The following ABCA1 variants were observed in gnomAD, a reference collection of about 807,000 sequenced individuals.
ABCA1 encodes the protein ATP binding cassette subfamily A member 1, also known as phospholipid-transporting ATPase ABCA1.
In ABCA1, 133 loss-of-function variants were observed where a neutral mutation model predicts 262.5. The observed-to-expected ratio is 0.51, with a 90% CI of 0.44 to 0.59. The LOEUF (loss-of-function observed/expected upper bound fraction) is 0.59, where lower values mean the gene tolerates loss of function less well. Among genes scored for constraint, ABCA1 ranks in the 20% least tolerant of loss-of-function variants. ABCA1 has a pLI of 0.00. For missense variants in ABCA1, 2,452 were observed against 2,777.5 expected, an observed-to-expected ratio of 0.88 and a Z score of 2.63; for synonymous variants, 1,022 against 1,043.5, an observed-to-expected ratio of 0.98 and a Z score of 0.40.
In ABCA1 at chr9:104,804,721, C is replaced by T; in HGVS notation, c.4465-1G>A. On this transcript the variant is annotated splice_acceptor_variant, in intron 31 of 49. Transcript: ENST00000374736. LOFTEE classifies it high-confidence loss of function. ...GGATATCTGCAGTGTTTTGTTTTCT[C>T]TGTCATCACATGAAAACCAAGCATA... 6.2e-7 allele frequency: 1 copy of T among 1,612,936 alleles called. No homozygotes were observed.
Position 104,821,483 on chromosome 9 carries a change from G to C in ABCA1, c.2852C>G (p.Pro951Arg). 6.2e-7 allele frequency: 1 copy of C among 1,614,044 alleles called. No individual in the cohort carries two copies. Among genetic ancestry groups the C allele is most frequent in the Non-Finnish European group, 8.5e-7 (1 of 1,180,034 alleles). ...GATGTAGGCGGTGCCCGAGGTCGGG[G>C]GGAACAACCCGGTCAGGATTGACCT... ...TTMSILTGLF[P>R]PTSGTAYILG... is the part of the protein sequence containing the mutation. Residue 951 changes from proline to arginine, a missense_variant, in exon 20 of 50, where the codon CCC becomes CGC. Coordinates refer to ENST00000374736, the MANE Select transcript of ABCA1 (RefSeq NM_005502.4).
intron 8 of ABCA1, among the ~76,000 whole-genome samples, chr9:104,841,028 C>G (rs1834315796): frequency 6.6e-6 from 1 of 152,170 alleles, no homozygotes; most frequent in African/African-American, 2.4e-5. Context: ...TCCCCGAACT[C>G]TAGTGTAGAA....
chr9:104,796,490 T>A, intron 37 of ABCA1, 66 bp from the exon 38 acceptor site: 1 of 1,239,362 alleles, frequency 8.1e-7, no homozygotes, highest in Non-Finnish European at 1.2e-6. Context: ...CACACAAGTT[T>A]TCACCATTAT....
At chr9:104,787,764 A>G in intron 46 of ABCA1, 156 bp downstream of exon 46, 1 of 921,926 alleles carries the variant, frequency 1.1e-6, no homozygotes, top group Non-Finnish European at 1.3e-6. Context: ...AGTGTGTGCC[A>G]AGGGAGAAGC....
At chr9:104,874,904 C>G (rs1163212519) in intron 5 of ABCA1, among the ~76,000 whole-genome samples, 1 of 141,416 alleles carries the variant, frequency 7.1e-6, no homozygotes, top group Admixed American at 6.9e-5. Flanking sequence ...CCGCCCCGTC[C>G]GGGAGGTGGG....
chr9:104,792,734 C>A, intron 42 of ABCA1, 52 bp downstream of exon 42: 1 of 1,613,430 alleles, frequency 6.2e-7, no homozygotes, highest in Non-Finnish European at 8.5e-7. Context: ...GGTTACAGCA[C>A]ATAAAGCTGA....
Position 104,784,026 on chromosome 9 carries a change from A to G in ABCA1, c.*289T>C, listed in dbSNP as rs886063303. 14 of 358,660 alleles carry G rather than the reference A, an allele frequency of 3.9e-5. No homozygotes were observed. The highest frequency in any genetic ancestry group is 5.6e-5 in the Non-Finnish European group (11 of 195,008). 22.2% of individuals were successfully genotyped at this position (358,660 alleles called of 1,614,324 possible). A position where few individuals can be genotyped will look rare whatever the true frequency, so the allele number is the denominator to read the frequency against. ...AAAAAAAAAGTGTGAGTTCAAACCC[A>G]TATGTCCATTGGGTTCCATAATAGA... On this transcript the variant is annotated 3_prime_UTR_variant, in exon 50 of 50. Coordinates refer to ENST00000374736, the MANE Select transcript of ABCA1 (RefSeq NM_005502.4).
chr9:104,815,995 C>T, intron 25 of ABCA1, 148 bp downstream of exon 25: 1 of 878,366 alleles, frequency 1.1e-6, no homozygotes, highest in Non-Finnish European at 1.9e-6. Context: ...TCTTAAATGG[C>T]TCACTGGGGC....
chr9:104,856,970 G>C lies in ABCA1; in HGVS notation c.720+1552C>G, dbSNP rs373572454. The stretch of plus-strand genomic sequence containing the variant: ...CTAACTTTTTAGGCCAGTTACTTAG[G>C]GTTGCAAAGATCCCTGTAGAGAAAT... On this transcript the variant is annotated intron_variant, in intron 7 of 49. Transcript: ENST00000374736. Among the ~76,000 whole-genome samples, 93 of 152,160 alleles carry C rather than the reference G, an allele frequency of 6.1e-4. 4 individuals carry two copies. In the South Asian group the frequency reaches 0.018, roughly 30 times the overall value.
At position 104,794,488 on chromosome 9, in the gene ABCA1, A is replaced by G. The variant is rs1564086523; in HGVS notation, c.5405T>C (p.Ile1802Thr). The change falls in exon 40 of 50, where the codon ATC (isoleucine) becomes ACC (threonine). Residue 1802 changes from isoleucine to threonine, a missense_variant. Transcript: ENST00000374736. ...TDNKLNNIND[I>T]LKSVFLIFPH... is the part of the protein sequence containing the mutation. ...GAAGATCAAGAACACGGACTTCAGG[A>G]TATCATTGATATTATTCAGCTTCTA... 2 of 1,287,242 alleles carry G rather than the reference A, an allele frequency of 1.6e-6. No homozygotes were observed. Among genetic ancestry groups the G allele is most frequent in the Non-Finnish European group, 1.1e-6 (1 of 894,930 alleles). 79.7% of individuals were successfully genotyped at this position (1,287,242 alleles called of 1,614,324 possible). A position where few individuals can be genotyped will look rare whatever the true frequency, so the allele number is the denominator to read the frequency against.
rs1268377517 is a variant in ABCA1 at position 104,831,783 on chromosome 9, C to A, written c.1554G>T (p.Trp518Cys). The A allele has an allele frequency of 1.2e-6, 2 of 1,614,192 alleles. No homozygotes were observed. The highest frequency in any genetic ancestry group is 1.7e-6 in the Non-Finnish European group (2 of 1,180,042). ...NKLEPIATEV[W>C]LINKSMELLD... ...GCAGCTCCATGGACTTGTTGATGAG[C>A]CAGACTTCTGTTGCTATGGGTTCTA... Residue 518 changes from tryptophan to cysteine, a missense_variant, in exon 13 of 50, where the codon TGG becomes TGT. Coordinates refer to ENST00000374736, the MANE Select transcript of ABCA1 (RefSeq NM_005502.4).
At chr9:104,812,831 G>T in intron 27 of ABCA1, 109 bp from the exon 28 acceptor site, 1 of 1,425,814 alleles carries the variant, frequency 7.0e-7, no homozygotes, top group Non-Finnish European at 9.8e-7. Flanking sequence ...TGTGTCTGAA[G>T]CTAGAAGTTT....
chr9:104,824,958 C>A (rs1190170932), intron 17 of ABCA1, among the ~76,000 whole-genome samples: 1 of 152,192 alleles, frequency 6.6e-6, no homozygotes, highest in Admixed American at 6.5e-5. Context: ...TTCATGTATA[C>A]CTCCTTAGGG....
At position 104,840,532 on chromosome 9, in the gene ABCA1, A is replaced by G; in HGVS notation, c.814-13T>C. On this transcript the variant is annotated splice_polypyrimidine_tract_variant and intron_variant, in intron 8 of 49. Transcript: ENST00000374736. ...TCATGCTGAACAGCTGGCGTCAGGG[A>G]TGGGGACAGAAAGGAGGGTAGGGGA... The G allele has an allele frequency of 6.8e-6, 11 of 1,611,240 alleles. No individual in the cohort carries two copies. The highest frequency in any genetic ancestry group is 8.5e-6 in the Non-Finnish European group (10 of 1,177,980).
At chr9:104,887,984 C>T (rs1414011739) in intron 3 of ABCA1, among the ~76,000 whole-genome samples, 1 of 152,006 alleles carries the variant, frequency 6.6e-6, no homozygotes, top group Non-Finnish European at 1.5e-5. Context: ...ACCTTGACTT[C>T]CCACTGTGCC....
intron 5 of ABCA1, among the ~76,000 whole-genome samples, chr9:104,874,795 C>T (rs1406895331): frequency 1.5e-5 from 2 of 136,648 alleles, no homozygotes; most frequent in African/African-American, 3.1e-5. Flanking sequence ...AGCCCCCGCC[C>T]GGCCAGCCGC....
At chr9:104,788,658 C>T in intron 44 of ABCA1, 91 bp from the exon 45 acceptor site, 1 of 1,462,684 alleles carries the variant, frequency 6.8e-7, no homozygotes, top group South Asian at 1.1e-5. Context: ...AAGTATGCTT[C>T]TCCATTACAA....
intron 8 of ABCA1, among the ~76,000 whole-genome samples, chr9:104,844,530 G>T (rs958678749): frequency 1.3e-5 from 2 of 152,202 alleles, no homozygotes; most frequent in African/African-American, 2.4e-5. Flanking sequence ...TTTCCACAAT[G>T]AACATGCAAT....
chr9:104,822,701 A>G (rs1456904407), intron 18 of ABCA1, 34 bp from the exon 19 acceptor site: 3 of 1,612,242 alleles, frequency 1.9e-6, no homozygotes, highest in East Asian at 2.2e-5. Flanking sequence ...ATGAACCCAC[A>G]GAAAGCACTG....
Sources: gnomAD v4.1 joint callset for allele counts (sites outside exome capture counted in the v4.1 genomes callset) on GRCh38, gnomAD v4.1.1 for gene constraint, MANE v1.5 for transcripts, NCBI Gene and HGNC (gene_info 2026-07-23, HGNC 2026-07-21) for gene names.